Variants in LYN observed in about 807,000 individuals in gnomAD.
LYN encodes LYN proto-oncogene, Src family tyrosine kinase.
Under a neutral mutation model 65.0 loss-of-function variants are expected in LYN, and 12 were observed. That is an observed-to-expected ratio of 0.18 (90% CI 0.12 to 0.30). LYN has a LOEUF of 0.30. Among genes scored for constraint, LYN ranks in the 10% least tolerant of loss-of-function variants. The pLI is 1.00. For missense variants in LYN, 380 were observed against 623.2 expected (o/e 0.61, Z 4.16); for synonymous variants, 222 against 221.2 (o/e 1.00, Z -0.03).
chr8:56,002,296 G>A (rs1808535119), intron 12 of LYN, among the ~76,000 whole-genome samples: 1 of 152,126 alleles, frequency 6.6e-6, no homozygotes, highest in Non-Finnish European at 1.5e-5. Flanking sequence ...GCAGGCGCCT[G>A]TAGTCCCAGC....
intron 10 of LYN, among the ~76,000 whole-genome samples, chr8:55,986,498 T>C (rs1057197732): frequency 3.3e-5 from 5 of 152,210 alleles, no homozygotes; most frequent in Non-Finnish European, 7.3e-5. Context: ...GGTAATTCTG[T>C]TTCGTGGACA....
chr8:55,944,546 T>A lies in LYN; in HGVS notation c.133-1902T>A, dbSNP rs539732758. Among the ~76,000 whole-genome samples the A allele has an allele frequency of 1.1e-4, 16 of 152,316 alleles. No homozygotes were observed. The East Asian group carries it at 3.1e-3, about 29-fold the overall frequency. On this transcript the variant is annotated intron_variant, in intron 2 of 12. Coordinates refer to ENST00000519728, the MANE Select transcript of LYN (RefSeq NM_002350.4). The stretch of plus-strand genomic sequence containing the variant: ...CCCAGGCTGGAGTGCAATGGCACCA[T>A]CTCAGCTCACTGCAACCTCCTCCTC...
chr8:55,971,324 G>T (rs907422), intron 10 of LYN, among the ~76,000 whole-genome samples: 4,436 of 152,268 alleles, frequency 0.029, 225 homozygotes, highest in African/African-American at 0.1. Context: ...GCAGTAAGAG[G>T]AATAGGTGGG....
chr8:55,970,387 C>T (rs556854754), intron 10 of LYN, among the ~76,000 whole-genome samples: 1 of 152,258 alleles, frequency 6.6e-6, no homozygotes, highest in South Asian at 2.1e-4. Flanking sequence ...AGCAAGTTAT[C>T]CAGAAGCCCC....
chr8:55,938,478 G>A (rs567691254), intron 1 of LYN, among the ~76,000 whole-genome samples: 1 of 152,148 alleles, frequency 6.6e-6, no homozygotes, highest in Non-Finnish European at 1.5e-5. Flanking sequence ...TCAGGAACCT[G>A]GTCTGCTTCC....
chr8:55,883,846 A>C (rs1804714452), intron 1 of LYN, among the ~76,000 whole-genome samples: 1 of 152,062 alleles, frequency 6.6e-6, no homozygotes. Flanking sequence ...AGAACATGGA[A>C]GAGGAAGTTG....
intron 10 of LYN, among the ~76,000 whole-genome samples, chr8:55,974,154 C>T (rs1807690130): frequency 6.6e-6 from 1 of 152,176 alleles, no homozygotes; most frequent in South Asian, 2.1e-4. Context: ...ATTGCTGGGA[C>T]TTGATCCAGG....
chr8:55,946,846 C>G (rs1806792345), intron 3 of LYN, among the ~76,000 whole-genome samples: 1 of 152,176 alleles, frequency 6.6e-6, no homozygotes, highest in Admixed American at 6.5e-5. Context: ...AGTAATTGTC[C>G]TTTTGTGTTT....
intron 1 of LYN, among the ~76,000 whole-genome samples, chr8:55,907,448 G>C (rs943426679): frequency 4.6e-5 from 7 of 152,230 alleles, no homozygotes; most frequent in Admixed American, 3.3e-4. Flanking sequence ...ATGGGCCTGT[G>C]AGGTGTCAAG....
chr8:55,924,710 A>G (rs1806051946), intron 1 of LYN, among the ~76,000 whole-genome samples: 1 of 151,682 alleles, frequency 6.6e-6, no homozygotes, highest in Admixed American at 6.6e-5. Context: ...ATGACCTTCC[A>G]TTTCCTCTTT....
In LYN at chr8:55,928,753, AATTTTTTCTTTCATGGATC is replaced by A. The variant is rs546512919; in HGVS notation, c.-5-13067_-5-13049del. 4.4e-3 allele frequency among the ~76,000 whole-genome samples: 676 copies of A among 152,110 alleles called. 3 individuals are homozygous for A. The highest frequency in any genetic ancestry group is 0.013 in the African/African-American group (558 of 41,506). ...TAGATTTTAATGAAGTTCAATTTATAATTTTTTCTTTCATGGATCATTTTTTCTTTCATGGATCATTTTT... is the reference window on the plus strand; with the variant it reads ...TAGATTTTAATGAAGTTCAATTTATAATTTTTTCTTTCATGGATCATTTTT... On this transcript the variant is annotated intron_variant, in intron 1 of 12. Coordinates refer to ENST00000519728, the MANE Select transcript of LYN (RefSeq NM_002350.4).
At chr8:56,000,447 G>A (rs1379588886) in intron 12 of LYN, among the ~76,000 whole-genome samples, 2 of 151,840 alleles carry the variant, frequency 1.3e-5, no homozygotes, top group Non-Finnish European at 2.9e-5. Context: ...GAGGGATTTC[G>A]GCCAGGTGCA....
At chr8:55,886,552 A>G (rs1397974) in intron 1 of LYN, among the ~76,000 whole-genome samples, 58,731 of 152,166 alleles carry the variant, frequency 0.39, 11,774 homozygotes, top group East Asian at 0.66. Context: ...CAGCCTGTCA[A>G]ACTTATTTGA....
At chr8:55,952,479 G>C (rs927839763) in intron 7 of LYN, among the ~76,000 whole-genome samples, 1 of 152,192 alleles carries the variant, frequency 6.6e-6, no homozygotes, top group Non-Finnish European at 1.5e-5. Flanking sequence ...AGAATCACTT[G>C]AACACAGGAG....
chr8:55,880,394 C>G (rs772468930), intron 1 of LYN, among the ~76,000 whole-genome samples: 1 of 149,640 alleles, frequency 6.7e-6, no homozygotes, highest in South Asian at 2.1e-4. Context: ...GAGGTGCGGG[C>G]GCGGGGGCGG....
chr8:55,991,099 G>A (rs895692931), intron 10 of LYN, among the ~76,000 whole-genome samples: 1 of 152,184 alleles, frequency 6.6e-6, no homozygotes, highest in Non-Finnish European at 1.5e-5. Flanking sequence ...AGTGGCCTCT[G>A]AGATGCTGCT....
At chr8:55,983,445 C>G in intron 10 of LYN, among the ~76,000 whole-genome samples, 1 of 152,182 alleles carries the variant, frequency 6.6e-6, no homozygotes, top group East Asian at 1.9e-4. Context: ...CCCCTACATC[C>G]CTCTCCAGCT....
At chr8:55,982,477 A>G (rs1034163344) in intron 10 of LYN, among the ~76,000 whole-genome samples, 2 of 152,128 alleles carry the variant, frequency 1.3e-5, no homozygotes, top group Non-Finnish European at 2.9e-5. Flanking sequence ...TTTTTGATGC[A>G]TTACAAGGAG....
chr8:55,970,198 G>T (rs531578937), intron 10 of LYN, among the ~76,000 whole-genome samples: 1 of 152,182 alleles, frequency 6.6e-6, no homozygotes, highest in Admixed American at 6.5e-5. Context: ...TAAGTCCTCT[G>T]TATTCTTGAA....
Sources: allele counts gnomAD v4.1 joint callset (sites outside exome capture counted in the v4.1 genomes callset), GRCh38; gene constraint gnomAD v4.1.1; transcripts MANE v1.5; gene names NCBI Gene and HGNC (gene_info 2026-07-23, HGNC 2026-07-21).